Variants in RAB33A observed in about 807,000 individuals in gnomAD.
RAB33A encodes ras-related protein Rab-33A.
A neutral mutation model predicts 12.0 loss-of-function variants in RAB33A; 6 were observed. That is an observed-to-expected ratio of 0.50 (90% CI 0.27 to 0.99). The LOEUF (loss-of-function observed/expected upper bound fraction) is 0.99, where lower values mean the gene tolerates loss of function less well. Ranked by LOEUF, RAB33A falls within the 50% of genes least tolerant of loss-of-function variation. RAB33A has a pLI of 0.11. For missense variants in RAB33A, 109 were observed against 192.0 expected, an observed-to-expected ratio of 0.57 and a Z score of 2.55; for synonymous variants, 70 against 82.4, an observed-to-expected ratio of 0.85 and a Z score of 0.81.
intron 1 of RAB33A, among the ~76,000 whole-genome samples, chrX:130,181,693 C>A (rs2031728053): frequency 8.9e-6 from 1 of 111,952 alleles, no homozygotes; most frequent in Admixed American, 9.5e-5. Flanking sequence ...TGGTGGCTCA[C>A]GCCTGTAATC....
the RAB33A span, among the ~76,000 whole-genome samples, chrX:130,115,665 G>A: frequency 1.0e-5 from 1 of 96,371 alleles, no homozygotes; most frequent in African/African-American, 3.9e-5. Flanking sequence ...AAGAGAGAAA[G>A]AGAGAGAGAG....
chrX:130,120,321 A>C, the RAB33A span, among the ~76,000 whole-genome samples: 1 of 111,498 alleles, frequency 9.0e-6, no homozygotes, highest in African/African-American at 3.3e-5. Flanking sequence ...TCCGGACTTA[A>C]GCAGAGCCTC....
the RAB33A span, among the ~76,000 whole-genome samples, chrX:130,149,287 C>T: frequency 2.7e-5 from 3 of 111,769 alleles, no homozygotes; most frequent in South Asian, 7.4e-4. Context: ...ATTCTCAAAC[C>T]CAAATTTCAG....
chrX:130,171,709 A>G, upstream of RAB33A: 1 of 212,050 alleles, frequency 4.7e-6, no homozygotes, highest in Non-Finnish European at 8.6e-6. Context: ...CGGCGGCTGG[A>G]GCAGCGCGGT....
chrX:130,178,187 G>A (rs1297326479), intron 1 of RAB33A, among the ~76,000 whole-genome samples: 2 of 110,911 alleles, frequency 1.8e-5, no homozygotes, highest in East Asian at 5.6e-4. Flanking sequence ...GTGTGCTGGT[G>A]CGTGCCTGTA....
At chrX:130,183,992 C>G (rs1675701) in intron 1 of RAB33A, among the ~76,000 whole-genome samples, 53,198 of 110,099 alleles carry the variant, frequency 0.48, 9,894 homozygotes, top group African/African-American at 0.67. Context: ...CTGGTTCAAG[C>G]AATTCTCTTG....
the RAB33A span, among the ~76,000 whole-genome samples, chrX:130,152,113 GAAAAGAAAAGAA>G: frequency 1.1e-4 from 11 of 99,918 alleles, no homozygotes; most frequent in South Asian, 4.5e-4. Flanking sequence ...GAAGAGAAGA[GAAAAGAAAAGAA>G]AAAAGAAAAG....
At chrX:130,165,460 G>T in the RAB33A span, 1 of 757,782 alleles carries the variant, frequency 1.3e-6, no homozygotes, top group Non-Finnish European at 2.0e-6. Flanking sequence ...TAAGTTTCTC[G>T]CGGGGACGCG....
chrX:130,130,216 C>T, the RAB33A span: 1 of 1,177,395 alleles, frequency 8.5e-7, no homozygotes, highest in East Asian at 3.0e-5. Context: ...ATCAAAACTT[C>T]AGTTATTATG....
At chrX:130,182,455 G>C (rs1469115519) in intron 1 of RAB33A, among the ~76,000 whole-genome samples, 1 of 109,472 alleles carries the variant, frequency 9.1e-6, no homozygotes, top group Non-Finnish European at 1.9e-5. Context: ...TGGGACCATA[G>C]CATATGAAAA....
chrX:130,182,157 A>T (rs6637700), intron 1 of RAB33A, among the ~76,000 whole-genome samples: 1,554 of 44,279 alleles, frequency 0.035, 26 homozygotes, highest in East Asian at 0.17. Flanking sequence ...AAAAAAAAAA[A>T]ATATATATAT....
At chrX:130,151,985 G>A in the RAB33A span, among the ~76,000 whole-genome samples, 3 of 110,445 alleles carry the variant, frequency 2.7e-5, no homozygotes, top group Non-Finnish European at 5.7e-5. Flanking sequence ...GCTGCAGTGA[G>A]CCGAGATTGC....
At chrX:130,122,447 T>C in the RAB33A span, among the ~76,000 whole-genome samples, 1 of 112,421 alleles carries the variant, frequency 8.9e-6, no homozygotes, top group Non-Finnish European at 1.9e-5. Flanking sequence ...TTTGTCTGTA[T>C]GATAAGAGCC....
intron 1 of RAB33A, among the ~76,000 whole-genome samples, chrX:130,178,445 A>G (rs909346543): frequency 9.1e-6 from 1 of 109,298 alleles, no homozygotes; most frequent in Admixed American, 9.7e-5. Context: ...CCTGGGCAAC[A>G]TGGGGAAACC....
chrX:130,180,747 C>T (rs1382814784), intron 1 of RAB33A, among the ~76,000 whole-genome samples: 1 of 91 alleles, frequency 0.011, no homozygotes, highest in African/African-American at 0.038. Context: ...TGAGCCACTG[C>T]GCCCTGGCCT....
the RAB33A span, chrX:130,165,536 GAA>G: frequency 8.5e-7 from 1 of 1,175,665 alleles, no homozygotes; most frequent in Non-Finnish European, 1.1e-6. Flanking sequence ...AGGTTGCCTG[GAA>G]TGGGTCAGTC....
At chrX:130,159,602 A>T in the RAB33A span, among the ~76,000 whole-genome samples, 4 of 110,325 alleles carry the variant, frequency 3.6e-5, no homozygotes, top group African/African-American at 6.6e-5. Flanking sequence ...CTAAAAATAA[A>T]TTTTTTTTGT....
At chrX:130,135,402 T>C in the RAB33A span, among the ~76,000 whole-genome samples, 4 of 89,282 alleles carry the variant, frequency 4.5e-5, no homozygotes, top group Non-Finnish European at 6.3e-5. Context: ...ATTACTTTTA[T>C]AACAGGTTAA....
chrX:130,182,973 C>T (rs538873357), intron 1 of RAB33A, among the ~76,000 whole-genome samples: 14 of 108,935 alleles, frequency 1.3e-4, no homozygotes, highest in Middle Eastern at 4.8e-3. Context: ...GGCCCGATCT[C>T]GGCTTACTGC....
Sources: allele counts gnomAD v4.1 joint callset (sites outside exome capture counted in the v4.1 genomes callset), GRCh38; gene constraint gnomAD v4.1.1; transcripts MANE v1.5; gene names NCBI Gene and HGNC (gene_info 2026-07-23, HGNC 2026-07-21).